Variants in RALYL observed in about 807,000 individuals in gnomAD.
The protein encoded by RALYL is RNA-binding Raly-like protein.
Under a neutral mutation model 35.1 loss-of-function variants are expected in RALYL, and 29 were observed. The observed-to-expected ratio is 0.83, with a 90% CI of 0.61 to 1.13. The LOEUF (loss-of-function observed/expected upper bound fraction) is 1.13. Ranked by LOEUF, RALYL falls within the 50% of genes most tolerant of loss-of-function variation. RALYL has a pLI of 0.00. For missense variants in RALYL, 359 were observed against 360.4 expected, an observed-to-expected ratio of 1.00 and a Z score of 0.03; for synonymous variants, 120 against 127.6, an observed-to-expected ratio of 0.94 and a Z score of 0.40.
At chr8:84,339,880 G>T (rs576593858) in intron 1 of RALYL, among the ~76,000 whole-genome samples, 1 of 152,176 alleles carries the variant, frequency 6.6e-6, no homozygotes, top group East Asian at 1.9e-4. Context: ...TATGTGATAT[G>T]GTTTGGCTGT....
Position 84,490,652 on chromosome 8 carries a change from G to A in RALYL, c.-23-38647G>A, listed in dbSNP as rs1048664567. 6.6e-5 allele frequency among the ~76,000 whole-genome samples: 10 copies of A among 151,444 alleles called. No individual in the cohort carries two copies. In the East Asian group the frequency reaches 1.8e-3, roughly 27 times the overall value. On this transcript the variant is annotated intron_variant, in intron 1 of 8. Transcript: ENST00000521268. The stretch of plus-strand genomic sequence containing the variant: ...AATATTTATTAAAGGAAGGAAGTGG[G>A]CATTTCCAAGAATATATTTTAGGAT...
intron 2 of RALYL, among the ~76,000 whole-genome samples, chr8:84,577,021 G>T (rs1047947076): frequency 6.6e-5 from 10 of 152,158 alleles, no homozygotes; most frequent in African/African-American, 2.4e-4. Flanking sequence ...CTGAACTTTT[G>T]ACTGTACATA....
chr8:84,279,624 G>A (rs1836147830), intron 1 of RALYL, among the ~76,000 whole-genome samples: 1 of 152,106 alleles, frequency 6.6e-6, no homozygotes. Context: ...TGTTAGTAGA[G>A]CTATGTTATT....
rs144579671 is a variant in RALYL at position 84,656,810 on chromosome 8, G to T, written c.257-117769G>T. 3.9e-5 allele frequency among the ~76,000 whole-genome samples: 6 copies of T among 152,070 alleles called. No homozygotes were observed. The East Asian group carries it at 1.2e-3, about 29-fold the overall frequency. Reference sequence around the variant, plus strand: ...ATATTTTAAAATGCATTGGGTTTAAGAAGCCATATGAGATAAAACAATTGG... The same window carrying T: ...ATATTTTAAAATGCATTGGGTTTAATAAGCCATATGAGATAAAACAATTGG... On this transcript the variant is annotated intron_variant, in intron 2 of 8. Coordinates refer to ENST00000521268, the MANE Select transcript of RALYL (RefSeq NM_173848.7).
intron 1 of RALYL, among the ~76,000 whole-genome samples, chr8:84,216,726 T>TG (rs149450851): frequency 0.032 from 4,943 of 152,248 alleles, 274 homozygotes; most frequent in African/African-American, 0.11. Flanking sequence ...ATGTGGCTAA[T>TG]GATCACTTGA....
intron 4 of RALYL, among the ~76,000 whole-genome samples, chr8:84,838,533 A>G (rs1183884207): frequency 6.6e-6 from 1 of 152,230 alleles, no homozygotes; most frequent in Non-Finnish European, 1.5e-5. Context: ...AGCAGTCTTG[A>G]CATGATTACC....
chr8:84,367,206 G>A (rs776070806), intron 1 of RALYL, among the ~76,000 whole-genome samples: 9 of 143,906 alleles, frequency 6.3e-5, no homozygotes, highest in Non-Finnish European at 1.1e-4. Flanking sequence ...CACAATCTCC[G>A]CTCACTGCAA....
At chr8:84,824,590 A>C (rs1829246046) in intron 4 of RALYL, among the ~76,000 whole-genome samples, 2 of 152,310 alleles carry the variant, frequency 1.3e-5, no homozygotes, top group South Asian at 4.1e-4. Context: ...AGCCAGAGGC[A>C]TTACATTACC....
intron 1 of RALYL, among the ~76,000 whole-genome samples, chr8:84,463,194 G>A (rs1332214640): frequency 2.0e-5 from 3 of 151,804 alleles, no homozygotes. Flanking sequence ...AATTTCACTT[G>A]TCTATGCTCC....
rs3068023 is a variant in RALYL at position 84,704,446 on chromosome 8, G to GACACACACACACAC, written c.257-70109_257-70096dup. On this transcript the variant is annotated intron_variant, in intron 2 of 8. Coordinates refer to ENST00000521268, the MANE Select transcript of RALYL (RefSeq NM_173848.7). ...TACCACCAGCCCCCCAATACACACA[G>GACACACACACACAC]ACACACACACACACACACACACACA... Among the ~76,000 whole-genome samples the GACACACACACACAC allele has an allele frequency of 9.6e-5, 10 of 104,072 alleles. No homozygotes were observed. In the South Asian group the frequency reaches 2.5e-3, roughly 26 times the overall value. The allele number at this position is 104,072 out of a possible 152,430, so 68.3% of individuals were successfully genotyped here.
chr8:84,523,285 A>G (rs149918356), intron 1 of RALYL, among the ~76,000 whole-genome samples: 1,526 of 152,200 alleles, frequency 0.01, 10 homozygotes, highest in South Asian at 0.031. Flanking sequence ...TTCCCTTTAT[A>G]AAACCATCAG....
intron 2 of RALYL, among the ~76,000 whole-genome samples, chr8:84,666,427 T>C (rs1268611452): frequency 6.6e-6 from 1 of 152,012 alleles, no homozygotes; most frequent in East Asian, 1.9e-4. Context: ...CACTAGAATC[T>C]GCAGGTATAA....
intron 2 of RALYL, among the ~76,000 whole-genome samples, chr8:84,614,775 C>CTTTTTTTTT (rs75967490): frequency 1.6e-5 from 2 of 128,872 alleles, no homozygotes; most frequent in Admixed American, 7.8e-5. Flanking sequence ...CCCTTCTTTC[C>CTTTTTTTTT]TTTTTTTTTT....
intron 4 of RALYL, among the ~76,000 whole-genome samples, chr8:84,817,098 AAG>A (rs909164365): frequency 1.3e-5 from 2 of 152,154 alleles, no homozygotes; most frequent in African/African-American, 4.8e-5. Flanking sequence ...AAATCCAAAC[AAG>A]AGAGAGTAAA....
At chr8:84,823,561 C>T (rs1828963039) in intron 4 of RALYL, among the ~76,000 whole-genome samples, 1 of 152,084 alleles carries the variant, frequency 6.6e-6, no homozygotes, top group African/African-American at 2.4e-5. Context: ...ATGACTATAT[C>T]AAGGGAGACT....
chr8:84,290,939 T>C (rs1585989725), intron 1 of RALYL, among the ~76,000 whole-genome samples: 2 of 150,430 alleles, frequency 1.3e-5, no homozygotes, highest in African/African-American at 4.9e-5. Context: ...ACTTTTGATA[T>C]CTTTCTATAA....
chr8:84,833,854 G>A (rs914288967), intron 4 of RALYL, among the ~76,000 whole-genome samples: 4 of 151,594 alleles, frequency 2.6e-5, no homozygotes, highest in Non-Finnish European at 5.9e-5. Context: ...GAATTTTGAA[G>A]ACAATGAAAT....
chr8:84,392,524 A>G (rs1184546856), intron 1 of RALYL, among the ~76,000 whole-genome samples: 1 of 152,072 alleles, frequency 6.6e-6, no homozygotes, highest in Non-Finnish European at 1.5e-5. Flanking sequence ...CATTTAAAAT[A>G]TTTAAAAATA....
intron 1 of RALYL, among the ~76,000 whole-genome samples, chr8:84,367,563 G>GA (rs1417335182): frequency 6.6e-6 from 1 of 151,174 alleles, no homozygotes; most frequent in Non-Finnish European, 1.5e-5. Context: ...TATCTGTCAG[G>GA]AAAAATCACT....
Sources: allele counts gnomAD v4.1 joint callset (sites outside exome capture counted in the v4.1 genomes callset), GRCh38; gene constraint gnomAD v4.1.1; transcripts MANE v1.5; gene names NCBI Gene and HGNC (gene_info 2026-07-23, HGNC 2026-07-21).